INSYN2B: variants seen among roughly 807,000 people sequenced by gnomAD.
INSYN2B encodes the protein inhibitory synaptic factor family member 2B.
Under a neutral mutation model 41.2 loss-of-function variants are expected in INSYN2B, and 16 were observed. The observed-to-expected ratio is 0.39, with a 90% confidence interval of 0.26 to 0.59. The LOEUF is 0.59. Ranked by LOEUF, INSYN2B falls within the 20% of genes least tolerant of loss-of-function variation. The pLI is 0.57. For synonymous variants in INSYN2B, 245 were observed against 244.4 expected (o/e 1.00, Z -0.02); for missense variants, 608 against 646.4 (o/e 0.94, Z 0.64).
chr5:169,921,871 CTGAAGGAACATAGTAAA>C (rs1398711951), intron 1 of INSYN2B, among the ~76,000 whole-genome samples: 38 of 152,284 alleles, frequency 2.5e-4, no homozygotes, highest in Non-Finnish European at 3.8e-4. Context: ...TACCCTTTTA[CTGAAGGAACATAGTAAA>C]TAATACTGTG....
At chr5:169,911,823 T>G (rs1489955484) in intron 1 of INSYN2B, among the ~76,000 whole-genome samples, 1 of 152,180 alleles carries the variant, frequency 6.6e-6, no homozygotes, top group Non-Finnish European at 1.5e-5. Context: ...AAAGCCTAGA[T>G]GCCAGGAAAG....
At position 169,934,348 on chromosome 5, in the gene INSYN2B, G is replaced by A. The variant is rs117432039; in HGVS notation, c.-919+45929C>T. 1.7e-4 allele frequency among the ~76,000 whole-genome samples: 26 copies of A among 152,224 alleles called. No individual in the cohort carries two copies. In the East Asian group the frequency reaches 4.6e-3, roughly 27 times the overall value. On this transcript the variant is annotated intron_variant, in intron 1 of 3. Transcript: ENST00000377365. ...CCTAGGTACTTTGGTAGTTGTCCCC[G>A]GAGTGGATCATAGCCAATACCACCC...
intron 1 of INSYN2B, among the ~76,000 whole-genome samples, chr5:169,918,790 G>T (rs1775018437): frequency 6.6e-6 from 1 of 152,164 alleles, no homozygotes; most frequent in Non-Finnish European, 1.5e-5. Context: ...GCAGGTACCA[G>T]TAATCCCAGC....
intron 1 of INSYN2B, among the ~76,000 whole-genome samples, chr5:169,893,272 T>G (rs1452836215): frequency 6.6e-6 from 1 of 152,154 alleles, no homozygotes; most frequent in Non-Finnish European, 1.5e-5. Context: ...ATCTGAAAGG[T>G]CACCTCCAGC....
rs1166047471 is a variant in INSYN2B at position 169,863,395 on chromosome 5, G to A, written c.*878C>T. ...TGTTACTCATAAGATGTAACTGATG[G>A]ACAGGTTGCTGGATCTCATGATTTT... On this transcript the variant is annotated 3_prime_UTR_variant, in exon 4 of 4. Coordinates refer to ENST00000377365, the MANE Select transcript of INSYN2B (RefSeq NM_001129891.3). Among the ~76,000 whole-genome samples the A allele has an allele frequency of 1.3e-5, 2 of 152,328 alleles. No individual in the cohort carries two copies. The highest frequency in any genetic ancestry group is 3.9e-4 in the East Asian group (2 of 5,184).
intron 1 of INSYN2B, among the ~76,000 whole-genome samples, chr5:169,973,859 C>A (rs1332072553): frequency 6.6e-6 from 1 of 152,182 alleles, no homozygotes; most frequent in Non-Finnish European, 1.5e-5. Context: ...TATGTCCATA[C>A]ATCCATCTAT....
At chr5:169,922,139 G>A (rs911047688) in intron 1 of INSYN2B, among the ~76,000 whole-genome samples, 1 of 152,176 alleles carries the variant, frequency 6.6e-6, no homozygotes, top group African/African-American at 2.4e-5. Flanking sequence ...CTGCAGTAAT[G>A]TCAGTCATCA....
chr5:169,881,283 T>G, intron 3 of INSYN2B, 85 bp downstream of exon 3: 1 of 1,153,364 alleles, frequency 8.7e-7, no homozygotes, highest in Non-Finnish European at 1.3e-6. Flanking sequence ...TCTCTTGACT[T>G]TTTGCATTTA....
intron 3 of INSYN2B, among the ~76,000 whole-genome samples, chr5:169,874,496 C>T (rs938102653): frequency 2.7e-5 from 4 of 150,272 alleles, no homozygotes; most frequent in African/African-American, 9.8e-5. Flanking sequence ...GCAGATTCTG[C>T]GTGGCATTTA....
At chr5:169,937,267 G>T (rs756647709) in intron 1 of INSYN2B, among the ~76,000 whole-genome samples, 113 of 152,248 alleles carry the variant, frequency 7.4e-4, no homozygotes, top group Non-Finnish European at 1.5e-3. Context: ...TTATTATCTG[G>T]CCCTTTAAGA....
At chr5:169,888,007 A>C (rs751267151) in intron 1 of INSYN2B, among the ~76,000 whole-genome samples, 11 of 152,186 alleles carry the variant, frequency 7.2e-5, no homozygotes, top group Non-Finnish European at 1.3e-4. Context: ...TCACATGTTT[A>C]TTGGTTTTAC....
intron 3 of INSYN2B, among the ~76,000 whole-genome samples, chr5:169,880,609 A>C (rs544246737): frequency 6.6e-5 from 10 of 152,322 alleles, no homozygotes; most frequent in African/African-American, 2.4e-4. Flanking sequence ...AACAGGTATA[A>C]ACCCTTGCAT....
chr5:169,915,929 C>T (rs960754219), intron 1 of INSYN2B, among the ~76,000 whole-genome samples: 15 of 152,118 alleles, frequency 9.9e-5, no homozygotes, highest in African/African-American at 3.6e-4. Flanking sequence ...CAGGGAAAAT[C>T]CTACTCTTAA....
intron 1 of INSYN2B, among the ~76,000 whole-genome samples, chr5:169,918,773 C>T (rs435691): frequency 2.6e-5 from 4 of 152,018 alleles, no homozygotes; most frequent in Non-Finnish European, 5.9e-5. Flanking sequence ...ATTAACCAGG[C>T]GTGGTGGCAG....
At chr5:169,932,893 A>G (rs1775822525) in intron 1 of INSYN2B, among the ~76,000 whole-genome samples, 1 of 152,178 alleles carries the variant, frequency 6.6e-6, no homozygotes, top group South Asian at 2.1e-4. Context: ...AGAATATTCT[A>G]GTACCAATCC....
chr5:169,942,740 C>T (rs545613787), intron 1 of INSYN2B, among the ~76,000 whole-genome samples: 2 of 152,218 alleles, frequency 1.3e-5, no homozygotes, highest in East Asian at 1.9e-4. Context: ...GGAGAGACCA[C>T]GAGGGTTCAG....
At chr5:169,887,330 A>G (rs1030287278) in intron 1 of INSYN2B, among the ~76,000 whole-genome samples, 1 of 152,184 alleles carries the variant, frequency 6.6e-6, no homozygotes, top group Non-Finnish European at 1.5e-5. Flanking sequence ...TTATTTGTTC[A>G]TTGTAAAAAT....
At chr5:169,939,978 A>C (rs1776168603) in intron 1 of INSYN2B, among the ~76,000 whole-genome samples, 1 of 152,230 alleles carries the variant, frequency 6.6e-6, no homozygotes, top group Non-Finnish European at 1.5e-5. Flanking sequence ...TTGGCTATGA[A>C]GAGGCAGAGT....
intron 1 of INSYN2B, among the ~76,000 whole-genome samples, chr5:169,917,506 A>G (rs1325685723): frequency 6.6e-6 from 1 of 152,236 alleles, no homozygotes; most frequent in Non-Finnish European, 1.5e-5. Context: ...TGAAATCATC[A>G]TAGCTGAGGC....
Sources: allele counts gnomAD v4.1 joint callset (sites outside exome capture counted in the v4.1 genomes callset), GRCh38; gene constraint gnomAD v4.1.1; transcripts MANE v1.5; gene names NCBI Gene and HGNC (gene_info 2026-07-23, HGNC 2026-07-21).